AXDND1: variants seen among roughly 807,000 people sequenced by gnomAD.
AXDND1 encodes the protein axonemal dynein light chain domain containing 1.
In AXDND1, 110 loss-of-function variants were observed where a neutral mutation model predicts 137.5. The observed-to-expected ratio is 0.80, with a 90% CI of 0.69 to 0.94. The LOEUF (loss-of-function observed/expected upper bound fraction) is 0.94, where lower values mean the gene tolerates loss of function less well. Ranked by LOEUF, AXDND1 falls within the 40% of genes least tolerant of loss-of-function variation. AXDND1 has a pLI of 0.00. For missense variants in AXDND1, 1,191 were observed against 1,169.8 expected (o/e 1.02, Z -0.26); for synonymous variants, 414 against 399.7 (o/e 1.04, Z -0.43).
intron 4 of AXDND1, among the ~76,000 whole-genome samples, chr1:179,376,431 C>G (rs1288271806): frequency 2.0e-5 from 3 of 152,170 alleles, no homozygotes; most frequent in African/African-American, 7.2e-5. Flanking sequence ...TGAAAAAATT[C>G]ATGTATAAGC....
chr1:179,539,321 C>T (rs1379255098), intron 25 of AXDND1, among the ~76,000 whole-genome samples: 1 of 152,176 alleles, frequency 6.6e-6, no homozygotes, highest in Non-Finnish European at 1.5e-5. Context: ...TTTGCAGTGA[C>T]TGGTACCGAT....
intron 16 of AXDND1, among the ~76,000 whole-genome samples, chr1:179,463,671 C>A (rs1329429804): frequency 6.6e-6 from 1 of 152,152 alleles, no homozygotes; most frequent in African/African-American, 2.4e-5. Context: ...TCCTGGATAT[C>A]CTTGTTAACT....
intron 11 of AXDND1, among the ~76,000 whole-genome samples, chr1:179,402,041 A>T (rs1029595500): frequency 6.6e-6 from 1 of 151,924 alleles, no homozygotes; most frequent in Non-Finnish European, 1.5e-5. Context: ...GCGTGGTGGC[A>T]TGCGCCTGCA....
rs776331360 is a variant in AXDND1 at position 179,385,218 on chromosome 1, T to C, written c.742-20T>C. On this transcript the variant is annotated intron_variant, in intron 8 of 25. Transcript: ENST00000367618. Reference sequence around the variant, plus strand: ...CTAAGACTGTAATAAGTACTGATTATGTTACTTACCTTCTGACAGATGCAC... The same window carrying C: ...CTAAGACTGTAATAAGTACTGATTACGTTACTTACCTTCTGACAGATGCAC... The C allele has an allele frequency of 6.3e-6, 10 of 1,598,962 alleles. No individual in the cohort carries two copies. In the East Asian group the frequency reaches 1.3e-4, roughly 21 times the overall value.
intron 20 of AXDND1, among the ~76,000 whole-genome samples, chr1:179,503,202 A>G (rs540501338): frequency 6.6e-6 from 1 of 152,218 alleles, no homozygotes; most frequent in South Asian, 2.1e-4. Context: ...ATATTATGGT[A>G]TATGAGGACT....
intron 25 of AXDND1, among the ~76,000 whole-genome samples, chr1:179,539,817 C>T (rs538263570): frequency 2.6e-5 from 4 of 152,238 alleles, no homozygotes; most frequent in South Asian, 4.1e-4. Flanking sequence ...CCGTCACTTT[C>T]GGGTACGCCA....
intron 22 of AXDND1, among the ~76,000 whole-genome samples, chr1:179,527,838 A>T (rs964982): frequency 0.88 from 133,274 of 152,092 alleles, 58,557 homozygotes; most frequent in East Asian, 0.96. Context: ...TTACTACTGC[A>T]ACTACTGCTA....
At chr1:179,545,781 TAGA>T (rs1342470366) in intron 25 of AXDND1, 1 of 152,170 alleles carries the variant, frequency 6.6e-6, no homozygotes. Flanking sequence ...CTCCATTGCG[TAGA>T]AGGCTTAGTC....
At position 179,366,436 on chromosome 1, in the gene AXDND1, C is replaced by T; in HGVS notation, c.-74C>T. 1 of 1,199,044 alleles carries T rather than the reference C, an allele frequency of 8.3e-7. No individual in the cohort carries two copies. The highest frequency in any genetic ancestry group is 1.2e-6 in the Non-Finnish European group (1 of 810,738). The allele number at this position is 1,199,044 out of a possible 1,614,324, so 74.3% of individuals were successfully genotyped here. On this transcript the variant is annotated 5_prime_UTR_variant, in exon 2 of 26. Coordinates refer to ENST00000367618, the MANE Select transcript of AXDND1 (RefSeq NM_144696.6). ...TGGCAGCCTGCAAGTCCCAGTGCGG[C>T]GCTGATTTGTGTCTAAATTAGCTTT...
intron 15 of AXDND1, among the ~76,000 whole-genome samples, chr1:179,439,013 T>C (rs760853854): frequency 2.6e-5 from 4 of 151,912 alleles, no homozygotes; most frequent in African/African-American, 4.8e-5. Context: ...CTCGGTGTTG[T>C]ATAAAGAAGA....
chr1:179,410,912 G>A (rs181136932), intron 11 of AXDND1, among the ~76,000 whole-genome samples: 1 of 152,088 alleles, frequency 6.6e-6, no homozygotes, highest in African/African-American at 2.4e-5. Context: ...CAGTATATGA[G>A]ATTTTTACTT....
intron 12 of AXDND1, among the ~76,000 whole-genome samples, chr1:179,414,009 G>A (rs183202192): frequency 2.5e-4 from 38 of 151,794 alleles, no homozygotes; most frequent in Non-Finnish European, 3.4e-4. Flanking sequence ...TATCTACCTA[G>A]CAAAGATAAA....
chr1:179,424,483 A>G (rs1326887381), intron 12 of AXDND1, among the ~76,000 whole-genome samples: 7 of 144,454 alleles, frequency 4.8e-5, no homozygotes, highest in African/African-American at 1.8e-4. Context: ...GCTGGAGTGC[A>G]GTGGCATGAT....
At chr1:179,373,072 G>T (rs1194114150) in intron 4 of AXDND1, among the ~76,000 whole-genome samples, 1 of 152,032 alleles carries the variant, frequency 6.6e-6, no homozygotes, top group East Asian at 1.9e-4. Context: ...CCTCTTAAAG[G>T]TTCCACTTCA....
rs376284207 is a variant in AXDND1 at position 179,533,768 on chromosome 1, A to G, written c.2716-27A>G. ...TACTAATTGTTGAGACTGTCAGTTC[A>G]TTCATATCTCATATTTCCTCTGTCA... On this transcript the variant is annotated intron_variant, in intron 23 of 25. Transcript: ENST00000367618. The G allele has an allele frequency of 6.8e-6, 10 of 1,478,480 alleles. No homozygotes were observed. In the African/African-American group the frequency reaches 1.2e-4, roughly 18 times the overall value. The allele number at this position is 1,478,480 out of a possible 1,614,324, so 91.6% of individuals were successfully genotyped here.
Position 179,506,963 on chromosome 1 carries a change from G to C in AXDND1, c.2389-2333G>C, listed in dbSNP as rs956317246. On this transcript the variant is annotated intron_variant, in intron 20 of 25. Transcript: ENST00000367618. ...CCCCAGCTTTCCTTCCTTATGGGGG[G>C]ATCTGTGGATCATGGATTCTTAATA... 4.4e-6 allele frequency: 4 copies of C among 914,546 alleles called. No individual in the cohort carries two copies. In the African/African-American group the frequency reaches 7.2e-5, roughly 16 times the overall value. The allele number at this position is 914,546 out of a possible 1,614,324, so 56.7% of individuals were successfully genotyped here.
intron 4 of AXDND1, among the ~76,000 whole-genome samples, chr1:179,375,869 G>A (rs901933428): frequency 8.5e-5 from 13 of 152,064 alleles, no homozygotes; most frequent in East Asian, 5.8e-4. Flanking sequence ...ATATCACAGC[G>A]CAGGACATCA....
intron 20 of AXDND1, among the ~76,000 whole-genome samples, chr1:179,507,288 A>G (rs1668627717): frequency 6.6e-6 from 1 of 152,202 alleles, no homozygotes; most frequent in Non-Finnish European, 1.5e-5. Flanking sequence ...TGAACTCTAT[A>G]GATTATTGTA....
chr1:179,432,432 T>G (rs1166578279), intron 15 of AXDND1, 90 bp downstream of exon 15: 25 of 1,341,580 alleles, frequency 1.9e-5, no homozygotes, highest in Non-Finnish European at 2.4e-5. Flanking sequence ...TCCCATCCTT[T>G]TTTTTTTTTG....
Sources: gnomAD v4.1 joint callset for allele counts (sites outside exome capture counted in the v4.1 genomes callset) on GRCh38, gnomAD v4.1.1 for gene constraint, MANE v1.5 for transcripts, NCBI Gene and HGNC (gene_info 2026-07-23, HGNC 2026-07-21) for gene names.